ASCC3: variants seen among roughly 807,000 people sequenced by gnomAD.
ASCC3 encodes the protein ASC-1 complex subunit P200.
ASCC3 carries 158 observed loss-of-function variants against 256.3 expected under a neutral mutation model. The ratio of observed to expected loss-of-function variants is 0.62; its 90% CI spans 0.54 to 0.70. The LOEUF is 0.70. ASCC3 is among the 30% of genes least tolerant of loss of function. The probability of loss-of-function intolerance (pLI) is 0.00; values close to 1 mark genes in which losing one functional copy is unlikely to be tolerated. For synonymous variants in ASCC3, 948 were observed against 883.4 expected (o/e 1.07, Z -1.30); for missense variants, 2,259 against 2,626.0 (o/e 0.86, Z 3.05).
At chr6:100,666,866 A>G (rs915906271) in intron 14 of ASCC3, among the ~76,000 whole-genome samples, 1 of 152,164 alleles carries the variant, frequency 6.6e-6, no homozygotes, top group Non-Finnish European at 1.5e-5. Context: ...AAAAAAAAGC[A>G]CTGTAAAGAA....
intron 36 of ASCC3, among the ~76,000 whole-genome samples, chr6:100,570,788 TA>T (rs1770549579): frequency 6.6e-6 from 1 of 152,176 alleles, no homozygotes; most frequent in Non-Finnish European, 1.5e-5. Flanking sequence ...CAATTAATGG[TA>T]TTCTCTCTCA....
At chr6:100,715,439 A>G in intron 13 of ASCC3, 23 bp downstream of exon 13, 1 of 1,586,254 alleles carries the variant, frequency 6.3e-7, no homozygotes, top group South Asian at 1.1e-5. Context: ...AAATAAGTGT[A>G]AAAGCAGATA....
At chr6:100,530,148 T>C in intron 37 of ASCC3, 2 of 570,056 alleles carry the variant, frequency 3.5e-6, no homozygotes, top group Non-Finnish European at 6.3e-6. Context: ...CACATTTCTC[T>C]ATGTGCATGT....
chr6:100,689,576 A>G (rs1478911373), intron 13 of ASCC3, among the ~76,000 whole-genome samples: 2 of 152,186 alleles, frequency 1.3e-5, no homozygotes, highest in African/African-American at 4.8e-5. Flanking sequence ...CTCAATAAAT[A>G]TTGCTGAAAT....
intron 8 of ASCC3, among the ~76,000 whole-genome samples, chr6:100,775,615 A>G (rs1782149997): frequency 6.6e-6 from 1 of 152,092 alleles, no homozygotes; most frequent in South Asian, 2.1e-4. Flanking sequence ...ATATTATTGC[A>G]TATATATACA....
rs1582864177 is a variant in ASCC3, at chr6:100,787,519, A to G, written c.1395+11194T>C. On this transcript the variant is annotated intron_variant, in intron 8 of 41. Coordinates refer to ENST00000369162, the MANE Select transcript of ASCC3 (RefSeq NM_006828.4). ...TTAAAATCTCAGCAGAAAATTTTGTAGAAAACAACACGATTCATATGGAAA... is the reference window on the plus strand; with the variant it reads ...TTAAAATCTCAGCAGAAAATTTTGTGGAAAACAACACGATTCATATGGAAA... 4.6e-5 allele frequency among the ~76,000 whole-genome samples: 7 copies of G among 152,246 alleles called. No homozygotes were observed. In the South Asian group the frequency reaches 1.4e-3, roughly 32 times the overall value.
intron 36 of ASCC3, among the ~76,000 whole-genome samples, chr6:100,549,771 A>T (rs1442723453): frequency 6.6e-6 from 1 of 151,986 alleles, no homozygotes; most frequent in Non-Finnish European, 1.5e-5. Flanking sequence ...TTAGGGAAAC[A>T]AATTATATAA....
intron 38 of ASCC3, among the ~76,000 whole-genome samples, 164 bp from the exon 39 acceptor site, chr6:100,516,491 A>G (rs1485240494): frequency 6.6e-6 from 1 of 152,144 alleles, no homozygotes; most frequent in African/African-American, 2.4e-5. Flanking sequence ...TCTGTATAGG[A>G]TAACAGCCCA....
chr6:100,591,500 A>G (rs1468243273), intron 34 of ASCC3, among the ~76,000 whole-genome samples: 1 of 152,068 alleles, frequency 6.6e-6, no homozygotes, highest in East Asian at 1.9e-4. Flanking sequence ...ATTTTCCAAT[A>G]CTATTTTTAG....
chr6:100,733,945 T>C (rs1452374904), intron 10 of ASCC3, among the ~76,000 whole-genome samples: 1 of 152,202 alleles, frequency 6.6e-6, no homozygotes, highest in African/African-American at 2.4e-5. Flanking sequence ...CGCTCTCAAA[T>C]ATTTTACACA....
intron 36 of ASCC3, among the ~76,000 whole-genome samples, chr6:100,567,074 T>C (rs957010394): frequency 3.3e-5 from 5 of 152,136 alleles, no homozygotes; most frequent in Non-Finnish European, 7.4e-5. Context: ...AGGAAAATTT[T>C]TATTTAAAAA....
chr6:100,879,073 G>A (rs543517774), intron 1 of ASCC3, among the ~76,000 whole-genome samples: 1 of 152,284 alleles, frequency 6.6e-6, no homozygotes, highest in Admixed American at 6.5e-5. Flanking sequence ...ATTTGCTAGA[G>A]TGGTTCACAG....
chr6:100,548,822 G>A (rs1024387077), intron 36 of ASCC3, among the ~76,000 whole-genome samples: 4 of 151,756 alleles, frequency 2.6e-5, no homozygotes, highest in Non-Finnish European at 4.4e-5. Context: ...TATCCACAGG[G>A]GATACATTCC....
At chr6:100,855,739 A>G (rs531175834) in intron 3 of ASCC3, among the ~76,000 whole-genome samples, 2 of 152,336 alleles carry the variant, frequency 1.3e-5, no homozygotes, top group South Asian at 4.1e-4. Flanking sequence ...TTTGTTTACT[A>G]ATGGTTATTA....
chr6:100,800,547 A>G (rs371393817), intron 5 of ASCC3, 43 bp from the exon 6 acceptor site: 1 of 1,412,470 alleles, frequency 7.1e-7, no homozygotes, highest in Non-Finnish European at 9.8e-7. Context: ...ATAAATCTGA[A>G]TATGATTTAA....
chr6:100,580,245 G>C (rs938094603), intron 36 of ASCC3, among the ~76,000 whole-genome samples: 1 of 151,860 alleles, frequency 6.6e-6, no homozygotes, highest in South Asian at 2.1e-4. Flanking sequence ...TACATAAAGC[G>C]TAAGAATTCT....
intron 37 of ASCC3, among the ~76,000 whole-genome samples, chr6:100,522,339 A>G (rs1396716601): frequency 7.9e-5 from 12 of 152,172 alleles, no homozygotes; most frequent in Non-Finnish European, 1.5e-4. Flanking sequence ...ATCCACTTAT[A>G]AAATTATACT....
chr6:100,791,949 T>A lies in ASCC3; in HGVS notation c.1395+6764A>T, dbSNP rs113445283. Among the ~76,000 whole-genome samples, 1,038 of 152,012 alleles carry A rather than the reference T, an allele frequency of 6.8e-3. 8 individuals carry two copies. Among genetic ancestry groups the A allele is most frequent in the Non-Finnish European group, 0.012 (817 of 67,858 alleles). On this transcript the variant is annotated intron_variant, in intron 8 of 41. Transcript: ENST00000369162. ...TGAGGAAAAGCCAAAAAAATGAGGA[T>A]AGCAGAATAGAAAGACATTAACAAG...
chr6:100,609,916 A>T (rs373697814), intron 30 of ASCC3, among the ~76,000 whole-genome samples: 42 of 152,246 alleles, frequency 2.8e-4, no homozygotes, highest in Middle Eastern at 3.4e-3. Flanking sequence ...TCTCACAAAA[A>T]AAGAAGAAAA....
Sources: gnomAD v4.1 joint callset for allele counts (sites outside exome capture counted in the v4.1 genomes callset) on GRCh38, gnomAD v4.1.1 for gene constraint, MANE v1.5 for transcripts, NCBI Gene and HGNC (gene_info 2026-07-23, HGNC 2026-07-21) for gene names.